Variants in MID1 observed in about 807,000 individuals in gnomAD.
MID1 encodes E3 ubiquitin-protein ligase Midline-1.
MID1 carries 7 observed loss-of-function variants against 40.4 expected under a neutral mutation model. The ratio of observed to expected loss-of-function variants is 0.17; its 90% confidence interval spans 0.10 to 0.33. MID1 has a LOEUF of 0.33. Ranked by LOEUF, MID1 falls within the 10% of genes least tolerant of loss-of-function variation. MID1 has a pLI of 1.00. For missense variants in MID1, 367 were observed against 558.5 expected (o/e 0.66, Z 3.46); for synonymous variants, 229 against 221.2 (o/e 1.04, Z -0.31).
intron 1 of MID1, among the ~76,000 whole-genome samples, chrX:10,755,227 G>C (rs1289745360): frequency 8.9e-6 from 1 of 111,998 alleles, no homozygotes; most frequent in Non-Finnish European, 1.9e-5. Flanking sequence ...AGAAGTAAAA[G>C]TGATTCACGG....
intron 1 of MID1, among the ~76,000 whole-genome samples, chrX:10,699,055 G>C (rs2043178700): frequency 9.0e-6 from 1 of 111,578 alleles, no homozygotes; most frequent in Non-Finnish European, 1.9e-5. Context: ...TGGTATATAA[G>C]GCCCTGGCTC....
At chrX:10,558,741 C>T (rs749779015) in intron 2 of MID1, among the ~76,000 whole-genome samples, 152 of 112,686 alleles carry the variant, frequency 1.3e-3, no homozygotes, top group African/African-American at 4.7e-3. Flanking sequence ...TTTTGCTCTC[C>T]CAATTTTCTG....
chrX:10,617,738 G>A (rs993601252), intron 1 of MID1, among the ~76,000 whole-genome samples: 1 of 111,921 alleles, frequency 8.9e-6, no homozygotes, highest in South Asian at 3.8e-4. Context: ...TGTTGTTTTC[G>A]GCCAGGCTTC....
chrX:10,824,290 A>C (rs2044199899), intron 1 of MID1, among the ~76,000 whole-genome samples: 1 of 112,019 alleles, frequency 8.9e-6, no homozygotes, highest in African/African-American at 3.2e-5. Flanking sequence ...GGAAACAGAA[A>C]TTCTCACCAT....
At chrX:10,653,330 G>C (rs1442902442) in intron 1 of MID1, among the ~76,000 whole-genome samples, 2 of 112,527 alleles carry the variant, frequency 1.8e-5, no homozygotes, top group Non-Finnish European at 3.7e-5. Context: ...CTTCATTAAG[G>C]CATGAACTAG....
intron 1 of MID1, among the ~76,000 whole-genome samples, chrX:10,740,436 G>T (rs1602549488): frequency 1.8e-5 from 2 of 112,423 alleles, no homozygotes; most frequent in East Asian, 2.8e-4. Context: ...GAGGTGGCTT[G>T]GTGATGCCAT....
intron 1 of MID1, among the ~76,000 whole-genome samples, chrX:10,726,202 C>T (rs1458438254): frequency 8.9e-6 from 1 of 112,149 alleles, no homozygotes; most frequent in African/African-American, 3.2e-5. Flanking sequence ...AGTAGACACA[C>T]TCTGGATATC....
intron 1 of MID1, among the ~76,000 whole-genome samples, chrX:10,694,576 G>T (rs1282357920): frequency 8.9e-6 from 1 of 111,882 alleles, no homozygotes; most frequent in African/African-American, 3.3e-5. Flanking sequence ...TTTTGCGAAG[G>T]GTAAGTCGGA....
At chrX:10,800,408 C>T (rs372096910) in intron 1 of MID1, among the ~76,000 whole-genome samples, 16 of 112,142 alleles carry the variant, frequency 1.4e-4, no homozygotes, top group African/African-American at 4.9e-4. Context: ...AGTGGATATC[C>T]GGATCACAGC....
intron 1 of MID1, among the ~76,000 whole-genome samples, chrX:10,822,714 T>C (rs1000357353): frequency 1.8e-5 from 2 of 111,432 alleles, no homozygotes; most frequent in African/African-American, 3.3e-5. Context: ...AACAAACATA[T>C]GAAAAAAAGC....
intron 9 of MID1, among the ~76,000 whole-genome samples, chrX:10,453,059 A>C (rs1928442901): frequency 8.9e-6 from 1 of 112,086 alleles, no homozygotes; most frequent in African/African-American, 3.2e-5. Context: ...ACTGCAGCTA[A>C]AAATTGCAAA....
intron 6 of MID1, among the ~76,000 whole-genome samples, chrX:10,472,942 G>T (rs1461549571): frequency 8.9e-6 from 1 of 112,130 alleles, no homozygotes; most frequent in African/African-American, 3.2e-5. Flanking sequence ...ACTGCTAGTT[G>T]GATTTTTTGT....
At position 10,474,822 on chromosome X, in the gene MID1, AG is replaced by A. The variant is rs201939023; in HGVS notation, c.1014-73del. On this transcript the variant is annotated intron_variant, in intron 5 of 9. Transcript: ENST00000317552. Reference sequence around the variant, plus strand: ...CAACATCACTGCATAGAAATGAAAAAGAAAAGGAAAATAAATATCTCTTAAA... The same window carrying A: ...CAACATCACTGCATAGAAATGAAAAAAAAAGGAAAATAAATATCTCTTAAA... 11,931 of 1,088,018 alleles carry A rather than the reference AG, an allele frequency of 0.011. 769 individuals are homozygous for A. In the African/African-American group the frequency reaches 0.19, roughly 17 times the overall value. The allele number at this position is 1,088,018 out of a possible 1,213,427, so 89.7% of individuals were successfully genotyped here.
At chrX:10,590,889 G>C (rs915445802) in intron 1 of MID1, among the ~76,000 whole-genome samples, 1 of 111,577 alleles carries the variant, frequency 9.0e-6, no homozygotes, top group African/African-American at 3.3e-5. Flanking sequence ...TTGTTATTTT[G>C]CTTTGCATCT....
intron 1 of MID1, among the ~76,000 whole-genome samples, chrX:10,703,441 G>A (rs2043205108): frequency 8.9e-6 from 1 of 111,890 alleles, no homozygotes; most frequent in Non-Finnish European, 1.9e-5. Context: ...TGAGGCGGGA[G>A]GACCACCTGA....
intron 2 of MID1, among the ~76,000 whole-genome samples, chrX:10,535,819 A>C (rs779861206): frequency 8.9e-6 from 1 of 112,356 alleles, no homozygotes; most frequent in Non-Finnish European, 1.9e-5. Flanking sequence ...ATAGATTTAC[A>C]GCTCTATTCA....
intron 1 of MID1, among the ~76,000 whole-genome samples, chrX:10,651,015 G>T (rs1471401201): frequency 9.0e-6 from 1 of 111,628 alleles, no homozygotes; most frequent in African/African-American, 3.3e-5. Context: ...CACAAGAAAA[G>T]ATCCCCCACA....
chrX:10,780,370 C>T (rs183277326), intron 1 of MID1, among the ~76,000 whole-genome samples: 61 of 111,680 alleles, frequency 5.5e-4, no homozygotes, highest in Admixed American at 1.7e-3. Context: ...CATCCTGTGG[C>T]TTTCAGAATT....
chrX:10,607,915 A>G (rs1016074861), intron 1 of MID1, among the ~76,000 whole-genome samples: 1 of 112,810 alleles, frequency 8.9e-6, no homozygotes, highest in Non-Finnish European at 1.9e-5. Context: ...GGCAGCAATC[A>G]TAGATATTTT....
Sources: allele counts gnomAD v4.1 joint callset (sites outside exome capture counted in the v4.1 genomes callset), GRCh38; gene constraint gnomAD v4.1.1; transcripts MANE v1.5; gene names NCBI Gene and HGNC (gene_info 2026-07-23, HGNC 2026-07-21).